CENPU: variants seen among roughly 807,000 people sequenced by gnomAD.
CENPU encodes the protein centromere protein U.
Under a neutral mutation model 56.7 loss-of-function variants are expected in CENPU, and 46 were observed. The observed-to-expected ratio is 0.81, with a 90% confidence interval of 0.64 to 1.04. The LOEUF is 1.04. Ranked by LOEUF, CENPU falls within the 50% of genes least tolerant of loss-of-function variation. The pLI, the probability that CENPU is intolerant of heterozygous loss-of-function variation, is 0.00. For missense variants in CENPU, 510 were observed against 490.1 expected (o/e 1.04, Z -0.38); for synonymous variants, 166 against 163.0 (o/e 1.02, Z -0.14).
chr4:184,725,901 G>A (rs564969496), intron 3 of CENPU, among the ~76,000 whole-genome samples: 8 of 152,302 alleles, frequency 5.3e-5, no homozygotes, highest in Non-Finnish European at 2.9e-5. Context: ...TCAGGAAAGA[G>A]GAGTAACAGG....
intron 3 of CENPU, among the ~76,000 whole-genome samples, chr4:184,727,948 C>T (rs1462930870): frequency 6.6e-6 from 1 of 152,064 alleles, no homozygotes; most frequent in Non-Finnish European, 1.5e-5. Flanking sequence ...TCTGTAGAGA[C>T]AGGAAGGAGA....
intron 8 of CENPU, among the ~76,000 whole-genome samples, chr4:184,707,642 T>C (rs1341097621): frequency 6.6e-6 from 1 of 152,182 alleles, no homozygotes; most frequent in Non-Finnish European, 1.5e-5. Flanking sequence ...TCCTAGGGCT[T>C]ACCCCACCCC....
chr4:184,717,103 A>T (rs372179450), intron 5 of CENPU, 33 bp downstream of exon 5: 105 of 1,443,238 alleles, frequency 7.3e-5, no homozygotes, highest in Non-Finnish European at 9.6e-5. Flanking sequence ...CTATATTACA[A>T]ATTAAAGTAG....
At position 184,709,342 on chromosome 4, in the gene CENPU, C is replaced by T. The variant is rs545616595; in HGVS notation, c.797+730G>A. Among the ~76,000 whole-genome samples, 5 of 152,062 alleles carry T rather than the reference C, an allele frequency of 3.3e-5. 2 individuals are homozygous for T. The South Asian group carries it at 1.0e-3, about 32-fold the overall frequency. On this transcript the variant is annotated intron_variant, in intron 8 of 12. Coordinates refer to ENST00000281453, the MANE Select transcript of CENPU (RefSeq NM_024629.4). ...TCTCTACTAAAAATGCAAAAATTAGCTGGGCGGGGTGGCACATGCCTGTAG... is the reference window on the plus strand; with the variant it reads ...TCTCTACTAAAAATGCAAAAATTAGTTGGGCGGGGTGGCACATGCCTGTAG...
At chr4:184,728,693 G>T (rs959859238) in intron 3 of CENPU, among the ~76,000 whole-genome samples, 1 of 152,162 alleles carries the variant, frequency 6.6e-6, no homozygotes, top group East Asian at 1.9e-4. Flanking sequence ...TGACCAGATT[G>T]TTAATGAATA....
intron 11 of CENPU, among the ~76,000 whole-genome samples, chr4:184,700,439 G>A (rs1435820475): frequency 1.3e-5 from 2 of 152,144 alleles, no homozygotes; most frequent in Non-Finnish European, 2.9e-5. Flanking sequence ...TACAAAAGAG[G>A]GAACTGAGAC....
intron 12 of CENPU, among the ~76,000 whole-genome samples, chr4:184,696,047 T>C (rs568967196): frequency 1.1e-4 from 16 of 152,286 alleles, no homozygotes; most frequent in African/African-American, 3.8e-4. Context: ...CAGTTGCAAA[T>C]TGTATCTAAG....
Position 184,725,024 on chromosome 4 carries a change from C to A in CENPU, c.253G>T (p.Glu85Ter). The change falls in exon 4 of 13, where the codon GAA becomes TAA. Residue 85 changes from glutamate to a stop codon, truncating the protein, a stop_gained. Transcript: ENST00000281453. LOFTEE classifies it high-confidence loss of function. ...LHSTAIYADE[E>*]EFSKHCGLSL... ...AGTCCACAATGTTTGGAGAATTCTT[C>A]TTCATCAGCATATATAGCTGTGCTA... is the stretch of plus-strand genomic sequence containing the variant. 4 of 1,612,914 alleles carry A rather than the reference C, an allele frequency of 2.5e-6. No individual in the cohort carries two copies. Among genetic ancestry groups the A allele is most frequent in the Non-Finnish European group, 3.4e-6 (4 of 1,179,486 alleles).
intron 1 of CENPU, among the ~76,000 whole-genome samples, chr4:184,731,426 A>T (rs957863813): frequency 3.3e-5 from 5 of 152,308 alleles, no homozygotes; most frequent in Non-Finnish European, 5.9e-5. Context: ...TAAAATTTAC[A>T]TCAGTTCAAA....
intron 4 of CENPU, among the ~76,000 whole-genome samples, chr4:184,718,734 A>G (rs1342421395): frequency 6.6e-6 from 1 of 152,220 alleles, no homozygotes; most frequent in African/African-American, 2.4e-5. Flanking sequence ...CAGACAGAAC[A>G]AACCAAGACT....
intron 11 of CENPU, 126 bp from the exon 12 acceptor site, chr4:184,697,929 G>C: frequency 1.6e-6 from 1 of 623,992 alleles, no homozygotes; most frequent in South Asian, 2.2e-5. Context: ...CTTTGGCTCT[G>C]AAACTACGAA....
At chr4:184,723,353 G>A (rs1263471960) in intron 4 of CENPU, among the ~76,000 whole-genome samples, 1 of 152,162 alleles carries the variant, frequency 6.6e-6, no homozygotes, top group African/African-American at 2.4e-5. Flanking sequence ...TAATAAGGGA[G>A]AGGGAAGAAT....
At chr4:184,724,007 G>A (rs569052163) in intron 4 of CENPU, among the ~76,000 whole-genome samples, 2 of 152,102 alleles carry the variant, frequency 1.3e-5, no homozygotes, top group Non-Finnish European at 2.9e-5. Flanking sequence ...GCTGACGCCT[G>A]TAATCCCAGC....
At chr4:184,728,254 C>A (rs1474592140) in intron 3 of CENPU, among the ~76,000 whole-genome samples, 1 of 152,148 alleles carries the variant, frequency 6.6e-6, no homozygotes, top group East Asian at 1.9e-4. Context: ...CTGGTGAATA[C>A]ATTTCACCTT....
chr4:184,703,143 G>T (rs1393058320), intron 8 of CENPU, among the ~76,000 whole-genome samples: 1 of 152,180 alleles, frequency 6.6e-6, no homozygotes, highest in African/African-American at 2.4e-5. Flanking sequence ...TAAGCCCTCT[G>T]GTACGGGGTC....
At position 184,697,638 on chromosome 4, in the gene CENPU, T is replaced by A. The variant is rs1760384589; in HGVS notation, c.1143+9A>T. On this transcript the variant is annotated intron_variant, in intron 12 of 12. Coordinates refer to ENST00000281453, the MANE Select transcript of CENPU (RefSeq NM_024629.4). ...TCTGAAGCATGGTAAAAAGTAAAATTGGAGTTACCGTTTCCTTTACGTTTG... is the reference window on the plus strand; with the variant it reads ...TCTGAAGCATGGTAAAAAGTAAAATAGGAGTTACCGTTTCCTTTACGTTTG... 1.2e-6 allele frequency: 2 copies of A among 1,612,002 alleles called. No individual in the cohort carries two copies. The highest frequency in any genetic ancestry group is 1.3e-5 in the African/African-American group (1 of 74,818).
intron 12 of CENPU, among the ~76,000 whole-genome samples, chr4:184,696,833 TAAAAC>T (rs953249400): frequency 1.3e-5 from 2 of 151,778 alleles, no homozygotes; most frequent in Non-Finnish European, 2.9e-5. Flanking sequence ...CAAAATGTAT[TAAAAC>T]AATAAACTTG....
At position 184,694,838 on chromosome 4, in the gene CENPU, T is replaced by A; in HGVS notation, c.*450A>T. On this transcript the variant is annotated 3_prime_UTR_variant, in exon 13 of 13. Coordinates refer to ENST00000281453, the MANE Select transcript of CENPU (RefSeq NM_024629.4). ...ATAATTTGCCTGATGTCTGTGAGAT[T>A]TGATAAATATATCATTCAACCTGTT... 2.2e-6 allele frequency: 3 copies of A among 1,379,992 alleles called. No homozygotes were observed. Among genetic ancestry groups the A allele is most frequent in the Non-Finnish European group, 3.0e-6 (3 of 988,046 alleles). The allele number at this position is 1,379,992 out of a possible 1,614,324, so 85.5% of individuals were successfully genotyped here.
intron 3 of CENPU, among the ~76,000 whole-genome samples, chr4:184,726,174 T>C (rs1761443881): frequency 6.6e-6 from 1 of 152,182 alleles, no homozygotes; most frequent in Admixed American, 6.5e-5. Flanking sequence ...ATTTACTCTA[T>C]TGCTGTGAAT....
Sources: allele counts gnomAD v4.1 joint callset (sites outside exome capture counted in the v4.1 genomes callset), GRCh38; gene constraint gnomAD v4.1.1; transcripts MANE v1.5; gene names NCBI Gene and HGNC (gene_info 2026-07-23, HGNC 2026-07-21).